Variants in CCDC169 observed in about 807,000 individuals in gnomAD.
The protein encoded by CCDC169 is coiled-coil domain-containing protein 169.
In CCDC169, 30 loss-of-function variants were observed where a neutral mutation model predicts 36.0. The observed-to-expected ratio is 0.83, with a 90% CI of 0.62 to 1.13. The LOEUF (loss-of-function observed/expected upper bound fraction) is 1.13. CCDC169 is among the 50% of genes most tolerant of loss of function. CCDC169 has a pLI of 0.00. For synonymous variants in CCDC169, 85 were observed against 81.5 expected, an observed-to-expected ratio of 1.04 and a Z score of -0.23; for missense variants, 245 against 245.9, an observed-to-expected ratio of 1.00 and a Z score of 0.03.
intron 2 of CCDC169, among the ~76,000 whole-genome samples, chr13:36,291,371 C>T (rs142666605): frequency 1.6e-3 from 251 of 152,194 alleles, no homozygotes; most frequent in African/African-American, 5.7e-3. Flanking sequence ...AACAGTTATG[C>T]CTTTATAGTT....
At chr13:36,260,239 A>G (rs1183289786) in intron 4 of CCDC169, among the ~76,000 whole-genome samples, 1 of 152,206 alleles carries the variant, frequency 6.6e-6, no homozygotes, top group African/African-American at 2.4e-5. Context: ...AGGGTAAACA[A>G]TTATTATATG....
chr13:36,295,820 T>C lies in CCDC169; in HGVS notation c.121A>G (p.Lys41Glu). ...AGTTTGGCTTCCAGTTCCGTAATCT[T>C]GTGTCTTAGTTCAAATATTGAGAGT... The part of the protein sequence containing the change: ...VQLSIFELRH[K>E]ITELEAKLNT... The change falls in exon 2 of 8, where the codon AAG becomes GAG. Residue 41 changes from lysine to glutamate, a missense_variant. Physicochemically the swap from Lys to Glu is moderately conservative, Grantham distance 56. Coordinates refer to ENST00000239859, the MANE Select transcript of CCDC169 (RefSeq NM_001144981.3). 1.3e-6 allele frequency: 2 copies of C among 1,544,830 alleles called. No individual in the cohort carries two copies. Among genetic ancestry groups the C allele is most frequent in the South Asian group, 1.2e-5 (1 of 83,394 alleles).
intron 4 of CCDC169, among the ~76,000 whole-genome samples, chr13:36,259,221 G>A (rs1176727110): frequency 6.6e-6 from 1 of 152,126 alleles, no homozygotes; most frequent in East Asian, 1.9e-4. Context: ...GACCCCTGGC[G>A]ATGAGCTGAG....
chr13:36,231,363 C>G, intron 7 of CCDC169, 71 bp from the exon 8 acceptor site: 1 of 1,432,570 alleles, frequency 7.0e-7, no homozygotes. Context: ...ATAGGCCACA[C>G]AGGAAGAAAT....
downstream of CCDC169, chr13:36,224,146 A>G (rs1869744907): frequency 6.6e-6 from 1 of 152,196 alleles, no homozygotes; most frequent in Non-Finnish European, 1.5e-5. Flanking sequence ...TGGATTATTT[A>G]AATTTAAATA....
At chr13:36,224,616 AT>A (rs1439467160), downstream of CCDC169, 3 of 152,206 alleles carry the variant, frequency 2.0e-5, no homozygotes, top group Non-Finnish European at 4.4e-5. Context: ...AAGGAGAACT[AT>A]AAAACACCAC....
downstream of CCDC169, chr13:36,227,310 C>A: frequency 1.3e-6 from 2 of 1,551,460 alleles, no homozygotes; most frequent in Middle Eastern, 1.7e-4. Flanking sequence ...TCCAGCCACA[C>A]CTGCAGCACT....
chr13:36,243,092 C>T (rs528392233), intron 7 of CCDC169, among the ~76,000 whole-genome samples: 1 of 152,206 alleles, frequency 6.6e-6, no homozygotes, highest in Admixed American at 6.5e-5. Flanking sequence ...ATACTTGAGT[C>T]ATGGATAAAT....
intron 7 of CCDC169, among the ~76,000 whole-genome samples, chr13:36,245,099 T>C (rs1052084333): frequency 9.2e-5 from 14 of 152,300 alleles, no homozygotes; most frequent in Admixed American, 3.9e-4. Context: ...GACCTATATA[T>C]AAAAAGGATG....
intron 4 of CCDC169, among the ~76,000 whole-genome samples, chr13:36,257,522 G>A (rs1365577960): frequency 6.6e-6 from 1 of 152,028 alleles, no homozygotes; most frequent in Non-Finnish European, 1.5e-5. Flanking sequence ...GGCCAATATG[G>A]TGAAACCCCG....
chr13:36,228,664 C>T (rs1319416835), downstream of CCDC169, among the ~76,000 whole-genome samples: 2 of 152,122 alleles, frequency 1.3e-5, no homozygotes, highest in Non-Finnish European at 2.9e-5. Flanking sequence ...GTGATCCTCC[C>T]ACCTCAGCCT....
At chr13:36,275,215 A>G (rs193249481) in intron 4 of CCDC169, among the ~76,000 whole-genome samples, 27 of 152,232 alleles carry the variant, frequency 1.8e-4, no homozygotes, top group Middle Eastern at 3.4e-3. Flanking sequence ...ACAAAAAAAA[A>G]GTAAAAAAAA....
At position 36,248,485 on chromosome 13, in the gene CCDC169, T is replaced by C. The variant is rs567368919; in HGVS notation, c.545+121A>G. 4 of 863,804 alleles carry C rather than the reference T, an allele frequency of 4.6e-6. No homozygotes were observed. The African/African-American group carries it at 6.8e-5, about 15-fold the overall frequency. The allele number at this position is 863,804 out of a possible 1,614,324, so 53.5% of individuals were successfully genotyped here. A position where few individuals can be genotyped will look rare whatever the true frequency, so the allele number is the denominator to read the frequency against. On this transcript the variant is annotated intron_variant, in intron 7 of 7. Coordinates refer to ENST00000239859, the MANE Select transcript of CCDC169 (RefSeq NM_001144981.3). ...TTTAAGTTCTCTTACCATATGCAAT[T>C]TTATATTGTTGCTATAAAACCTAGA...
At chr13:36,270,520 ATAC>A (rs1875903079) in intron 4 of CCDC169, among the ~76,000 whole-genome samples, 1 of 152,248 alleles carries the variant, frequency 6.6e-6, no homozygotes, top group Non-Finnish European at 1.5e-5. Context: ...ACTTCAAATT[ATAC>A]TACAAGGATA....
intron 4 of CCDC169, chr13:36,281,043 T>G: frequency 3.3e-6 from 1 of 301,112 alleles, no homozygotes; most frequent in South Asian, 3.1e-5. Flanking sequence ...TGAAGGGGAG[T>G]AGACGTGACC....
intron 7 of CCDC169, among the ~76,000 whole-genome samples, chr13:36,242,843 G>A (rs545086795): frequency 1.3e-4 from 20 of 152,248 alleles, no homozygotes; most frequent in Admixed American, 1.2e-3. Context: ...GTGGTGTGGA[G>A]GGCCTCACAG....
At chr13:36,231,987 A>C (rs1316470815) in intron 7 of CCDC169, among the ~76,000 whole-genome samples, 1 of 152,202 alleles carries the variant, frequency 6.6e-6, no homozygotes, top group East Asian at 1.9e-4. Flanking sequence ...ACAAATTGGC[A>C]ATATGGTTAG....
At chr13:36,225,557 C>T (rs989509016), downstream of CCDC169, 19 of 152,010 alleles carry the variant, frequency 1.2e-4, no homozygotes, top group African/African-American at 1.9e-4. Flanking sequence ...ATGAGTAAGT[C>T]GCAAAAGCAA....
At chr13:36,281,708 A>G (rs1877563266) in intron 4 of CCDC169, among the ~76,000 whole-genome samples, 1 of 152,042 alleles carries the variant, frequency 6.6e-6, no homozygotes, top group Non-Finnish European at 1.5e-5. Flanking sequence ...CTAAAAATAC[A>G]ATAATTAGCC....
Sources: gnomAD v4.1 joint callset for allele counts (sites outside exome capture counted in the v4.1 genomes callset) on GRCh38, gnomAD v4.1.1 for gene constraint, MANE v1.5 for transcripts, NCBI Gene and HGNC (gene_info 2026-07-23, HGNC 2026-07-21) for gene names.